ARHGEF9: variants seen among roughly 807,000 people sequenced by gnomAD.
The protein encoded by ARHGEF9 is Cdc42 guanine nucleotide exchange factor 9, also known as rho guanine nucleotide exchange factor 9.
ARHGEF9 carries 2 observed loss-of-function variants against 41.3 expected under a neutral mutation model. The observed-to-expected ratio is 0.05, with a 90% confidence interval of 0.02 to 0.15. The LOEUF is 0.15. ARHGEF9 is among the 10% of genes least tolerant of loss of function. The pLI, the probability that ARHGEF9 is intolerant of heterozygous loss-of-function variation, is 1.00. For synonymous variants in ARHGEF9, 160 were observed against 154.4 expected, an observed-to-expected ratio of 1.04 and a Z score of -0.27; for missense variants, 225 against 424.7, an observed-to-expected ratio of 0.53 and a Z score of 4.13.
At chrX:63,755,973 A>C (rs782468623) in intron 1 of ARHGEF9, 1 of 409,504 alleles carries the variant, frequency 2.4e-6, no homozygotes, top group African/African-American at 2.7e-5. Context: ...CAGAACTTGC[A>C]ATCTGCTTCT....
At chrX:63,745,414 C>T (rs2055206583) in intron 1 of ARHGEF9, among the ~76,000 whole-genome samples, 1 of 111,052 alleles carries the variant, frequency 9.0e-6, no homozygotes, top group South Asian at 3.9e-4. Flanking sequence ...AGGCCTGCTC[C>T]CTCTCCAGGA....
chrX:63,693,943 G>C (rs1403927588), intron 4 of ARHGEF9, among the ~76,000 whole-genome samples: 9 of 110,772 alleles, frequency 8.1e-5, no homozygotes, highest in Non-Finnish European at 1.3e-4. Context: ...AGCACTTTGG[G>C]AGGCCGAGGT....
At chrX:63,780,966 T>G (rs1448477622) in intron 1 of ARHGEF9, among the ~76,000 whole-genome samples, 2 of 111,850 alleles carry the variant, frequency 1.8e-5, no homozygotes, top group African/African-American at 6.5e-5. Flanking sequence ...AACATAGTGA[T>G]TATAAAGACA....
At chrX:63,751,688 A>G (rs1440375087) in intron 1 of ARHGEF9, among the ~76,000 whole-genome samples, 1 of 112,226 alleles carries the variant, frequency 8.9e-6, no homozygotes, top group Non-Finnish European at 1.9e-5. Flanking sequence ...TGGTGAAAAG[A>G]GGAATGGCAT....
chrX:63,762,983 G>A (rs2056058253), intron 1 of ARHGEF9, among the ~76,000 whole-genome samples: 2 of 111,702 alleles, frequency 1.8e-5, no homozygotes, highest in Admixed American at 9.5e-5. Flanking sequence ...ATTTTCTCTA[G>A]CTACTTTATT....
chrX:63,648,989 C>T (rs1370512750), intron 8 of ARHGEF9, among the ~76,000 whole-genome samples: 3 of 111,287 alleles, frequency 2.7e-5, no homozygotes, highest in African/African-American at 9.8e-5. Flanking sequence ...TAGACTCCCA[C>T]ACAATAATAA....
chrX:63,775,360 T>C (rs1439761234), intron 1 of ARHGEF9, among the ~76,000 whole-genome samples: 1 of 112,322 alleles, frequency 8.9e-6, no homozygotes, highest in East Asian at 2.8e-4. Flanking sequence ...CATTCTACCA[T>C]AAAGATATAT....
chrX:63,778,549 T>G (rs2056330764), intron 1 of ARHGEF9, among the ~76,000 whole-genome samples: 1 of 112,741 alleles, frequency 8.9e-6, no homozygotes, highest in Admixed American at 9.4e-5. Context: ...GTTTTGCTTT[T>G]CTATTGCATG....
At chrX:63,766,133 T>A (rs189646332) in intron 1 of ARHGEF9, among the ~76,000 whole-genome samples, 1 of 112,493 alleles carries the variant, frequency 8.9e-6, no homozygotes, top group East Asian at 2.8e-4. Context: ...ATATGTTCCC[T>A]GAAGACAGAA....
At chrX:63,767,878 T>C (rs782699933) in intron 1 of ARHGEF9, among the ~76,000 whole-genome samples, 5 of 112,349 alleles carry the variant, frequency 4.5e-5, no homozygotes, top group Admixed American at 1.9e-4. Context: ...TGTTTGGAGA[T>C]AGTTGCATGG....
chrX:63,664,491 G>A (rs782709209), intron 7 of ARHGEF9, among the ~76,000 whole-genome samples: 3 of 112,468 alleles, frequency 2.7e-5, no homozygotes, highest in Non-Finnish European at 5.6e-5. Flanking sequence ...AAACACCTTA[G>A]TGGGAAGAAC....
rs1556450813 is a variant in ARHGEF9, at chrX:63,764,550, C to T, written c.30+20566G>A. ...TTCACTGCAGCACTACTCACAATCA[C>T]AAAGACATGGAATCAACCCAAATGC... On this transcript the variant is annotated intron_variant, in intron 1 of 9. Coordinates refer to ENST00000671741, the MANE Select transcript of ARHGEF9 (RefSeq NM_001353921.2). 2.7e-5 allele frequency among the ~76,000 whole-genome samples: 3 copies of T among 112,200 alleles called. No individual in the cohort carries two copies. The Admixed American group carries it at 2.8e-4, about 11-fold the overall frequency.
chrX:63,695,631 T>C (rs1343260124), intron 4 of ARHGEF9, among the ~76,000 whole-genome samples: 1 of 111,950 alleles, frequency 8.9e-6, no homozygotes, highest in Non-Finnish European at 1.9e-5. Flanking sequence ...AGGCCTGAAA[T>C]TGCTGTTCTC....
At chrX:63,782,666 G>A (rs782468227) in intron 1 of ARHGEF9, among the ~76,000 whole-genome samples, 18 of 111,894 alleles carry the variant, frequency 1.6e-4, no homozygotes, top group Non-Finnish European at 3.0e-4. Flanking sequence ...TTTGTACTTC[G>A]GGCACCTTGC....
intron 1 of ARHGEF9, among the ~76,000 whole-genome samples, chrX:63,747,975 T>G (rs782192862): frequency 8.9e-6 from 1 of 112,422 alleles, no homozygotes; most frequent in African/African-American, 3.2e-5. Context: ...CAACCAGATT[T>G]ACCATGAGTA....
At chrX:63,665,801 G>A in intron 7 of ARHGEF9, 85 bp downstream of exon 7, 1 of 1,130,498 alleles carries the variant, frequency 8.8e-7, no homozygotes, top group South Asian at 1.9e-5. Context: ...TGCCCACTTT[G>A]TTGGGAGCCT....
Position 63,668,133 on chromosome X carries a change from AT to A in ARHGEF9, c.946-2117del, listed in dbSNP as rs1176758462. Among the ~76,000 whole-genome samples the A allele has an allele frequency of 3.6e-3, 377 of 104,025 alleles. 2 individuals are homozygous for A. Among genetic ancestry groups the A allele is most frequent in the African/African-American group, 8.3e-3 (237 of 28,690 alleles). 90.3% of individuals were successfully genotyped at this position (104,025 alleles called of 115,157 possible). Reference sequence around the variant, plus strand: ...CCAGCCAGGGGCATCTCAATTCTACATTTTTTTTTTTCTTTTTTGAGACAGA... The same window carrying A: ...CCAGCCAGGGGCATCTCAATTCTACATTTTTTTTTTCTTTTTTGAGACAGA... On this transcript the variant is annotated intron_variant, in intron 6 of 9. Transcript: ENST00000671741.
At chrX:63,705,413 T>A (rs1334690723) in intron 3 of ARHGEF9, among the ~76,000 whole-genome samples, 3 of 106,329 alleles carry the variant, frequency 2.8e-5, no homozygotes, top group African/African-American at 1.0e-4. Flanking sequence ...TTAATCCTTT[T>A]AAAACGCTGC....
chrX:63,754,765 G>A (rs1422792610), intron 1 of ARHGEF9: 1 of 952,064 alleles, frequency 1.1e-6, no homozygotes. Context: ...GGATGGGGAC[G>A]GGGTGCTTGG....
Sources: gnomAD v4.1 joint callset for allele counts (sites outside exome capture counted in the v4.1 genomes callset) on GRCh38, gnomAD v4.1.1 for gene constraint, MANE v1.5 for transcripts, NCBI Gene and HGNC (gene_info 2026-07-23, HGNC 2026-07-21) for gene names.